The following CYP4F22 variants were observed in gnomAD, a reference collection of about 807,000 sequenced individuals.
The protein encoded by CYP4F22 is ultra-long-chain fatty acid omega-hydroxylase.
Under a neutral mutation model 60.4 loss-of-function variants are expected in CYP4F22, and 37 were observed. That is an observed-to-expected ratio of 0.61 (90% CI 0.47 to 0.81). CYP4F22 has a LOEUF of 0.81. CYP4F22 is among the 30% of genes least tolerant of loss of function. The pLI is 0.00. For missense variants in CYP4F22, 655 were observed against 715.0 expected, an observed-to-expected ratio of 0.92 and a Z score of 0.96; for synonymous variants, 258 against 280.5, an observed-to-expected ratio of 0.92 and a Z score of 0.80.
At chr19:15,538,431 A>G (rs1971424289) in intron 7 of CYP4F22, among the ~76,000 whole-genome samples, 3 of 152,216 alleles carry the variant, frequency 2.0e-5, no homozygotes, top group South Asian at 2.1e-4. Context: ...GCCCTGGCAC[A>G]TAGTTGATGC....
chr19:15,515,802 C>T (rs1039417975), intron 1 of CYP4F22, among the ~76,000 whole-genome samples: 3 of 151,952 alleles, frequency 2.0e-5, no homozygotes, highest in Non-Finnish European at 4.4e-5. Context: ...CGGCTCACTG[C>T]AAGCTCTGCC....
intron 1 of CYP4F22, among the ~76,000 whole-genome samples, chr19:15,512,649 C>T (rs1170498393): frequency 6.6e-6 from 1 of 151,990 alleles, no homozygotes; most frequent in Non-Finnish European, 1.5e-5. Context: ...CACTATGTTG[C>T]ACAGGCTGGT....
chr19:15,529,054 C>T (rs1971312642), intron 3 of CYP4F22, among the ~76,000 whole-genome samples: 1 of 152,148 alleles, frequency 6.6e-6, no homozygotes, highest in East Asian at 1.9e-4. Flanking sequence ...GGTGGTCCTC[C>T]TGCCTCAGCC....
chr19:15,547,822 T>TA (rs1032820788), intron 10 of CYP4F22, among the ~76,000 whole-genome samples: 373 of 138,852 alleles, frequency 2.7e-3, no homozygotes, highest in African/African-American at 8.6e-3. Flanking sequence ...AACTCGGTCT[T>TA]AAAAAAAAAA....
In CYP4F22 at chr19:15,508,992, C is replaced by T. The variant is rs76719700; in HGVS notation, c.-109+409C>T. On this transcript the variant is annotated intron_variant, in intron 1 of 13. Coordinates refer to ENST00000269703, the MANE Select transcript of CYP4F22 (RefSeq NM_173483.4). The stretch of plus-strand genomic sequence containing the variant: ...CTCTTTGGGGCTGAATGGGGATTCG[C>T]CCTGAGATTTCACCACTGCACGTTG... Among the ~76,000 whole-genome samples the T allele has an allele frequency of 9.8e-4, 149 of 152,154 alleles. 2 individuals are homozygous for T. The East Asian group carries it at 0.026, about 26-fold the overall frequency.
At position 15,540,450 on chromosome 19, in the gene CYP4F22, G is replaced by C. The variant is rs752196556; in HGVS notation, c.672G>C (p.Glu224Asp). 1 of 1,614,070 alleles carries C rather than the reference G, an allele frequency of 6.2e-7. No individual in the cohort carries two copies. The highest frequency in any genetic ancestry group is 8.5e-7 in the Non-Finnish European group (1 of 1,180,042). Residue 224 changes from glutamate (E) to aspartate (D), a missense_variant and splice_region_variant, in exon 8 of 14, where the codon GAG becomes GAC. This residue lies in a region of CYP4F22 where 430 missense variants were observed against 457.1 expected (regional missense o/e 0.94). Coordinates refer to ENST00000269703, the MANE Select transcript of CYP4F22 (RefSeq NM_173483.4). ...TCATGGATCCCCTTCTCCTTGGCAGGAAGATGAGTGATTATATCTCCGCTA... is the reference window on the plus strand; with the variant it reads ...TCATGGATCCCCTTCTCCTTGGCAGCAAGATGAGTGATTATATCTCCGCTA... ...CVFSYNSNCQEKMSDYISAII... is the reference protein window; with the variant it reads ...CVFSYNSNCQDKMSDYISAII...
rs1971584840 is a variant in CYP4F22 at position 15,550,712 on chromosome 19, G to A, written c.1374G>A (p.Gln458=). 1 of 1,614,222 alleles carries A rather than the reference G, an allele frequency of 6.2e-7. No individual in the cohort carries two copies. The highest frequency in any genetic ancestry group is 1.1e-5 in the South Asian group (1 of 91,092). The change falls in exon 13 of 14, where the codon CAG becomes CAA. Residue 458 remains glutamine (Q), a synonymous_variant. Coordinates refer to ENST00000269703, the MANE Select transcript of CYP4F22 (RefSeq NM_173483.4). The part of the protein sequence containing the change: ...NPYRFDPDNP[Q]QRSPLAYVPF... Reference sequence around the variant, plus strand: ...ACCGCTTTGACCCGGACAACCCACAGCAGCGCTCTCCACTGGCCTATGTGC... The same window carrying A: ...ACCGCTTTGACCCGGACAACCCACAACAGCGCTCTCCACTGGCCTATGTGC...
At position 15,550,034 on chromosome 19, in the gene CYP4F22, T is replaced by A. The variant is rs146415736; in HGVS notation, c.1336-640T>A. The stretch of plus-strand genomic sequence containing the variant: ...ACTTCTACCTCCTGGGTTCAAGAGA[T>A]TCTCCTGCCTCAGCTTTCTGAGTAG... On this transcript the variant is annotated intron_variant, in intron 12 of 13. Transcript: ENST00000269703. 3.6e-3 allele frequency among the ~76,000 whole-genome samples: 551 copies of A among 152,276 alleles called. 3 individuals are homozygous for A. The highest frequency in any genetic ancestry group is 0.013 in the African/African-American group (528 of 41,554).
chr19:15,527,494 C>T (rs563557057), intron 3 of CYP4F22, among the ~76,000 whole-genome samples: 43 of 152,332 alleles, frequency 2.8e-4, no homozygotes, highest in African/African-American at 8.2e-4. Context: ...CTCCAGTGCC[C>T]TTACTCTAGA....
In CYP4F22 at chr19:15,551,905, C is replaced by A. The variant is rs1971604591; in HGVS notation, c.*434C>A. The A allele has an allele frequency of 1.1e-5, 2 of 176,860 alleles. No homozygotes were observed. Among genetic ancestry groups the A allele is most frequent in the African/African-American group, 2.5e-5 (1 of 40,016 alleles). The allele number at this position is 176,860 out of a possible 1,614,324, so 11.0% of individuals were successfully genotyped here. ...CCCACCACACCCCACCCCCCCCCAA[C>A]TGGCTGAACCCCTGGCAGGCTTCCA... On this transcript the variant is annotated 3_prime_UTR_variant, in exon 14 of 14. Coordinates refer to ENST00000269703, the MANE Select transcript of CYP4F22 (RefSeq NM_173483.4).
At chr19:15,509,301 G>A (rs566630323) in intron 1 of CYP4F22, among the ~76,000 whole-genome samples, 2 of 152,230 alleles carry the variant, frequency 1.3e-5, no homozygotes, top group East Asian at 1.9e-4. Context: ...CTGGGGAGTC[G>A]CAGGCTGGAG....
chr19:15,533,574 T>C (rs1277764532), intron 4 of CYP4F22, among the ~76,000 whole-genome samples: 5 of 150,522 alleles, frequency 3.3e-5, no homozygotes, highest in East Asian at 1.9e-4. Context: ...CACGTTGTAG[T>C]AGGAATCAGT....
In CYP4F22 at chr19:15,509,922, CTTCT is replaced by C. The variant is rs1177793281; in HGVS notation, c.-109+1362_-109+1365del. On this transcript the variant is annotated intron_variant, in intron 1 of 13. Coordinates refer to ENST00000269703, the MANE Select transcript of CYP4F22 (RefSeq NM_173483.4). ...CTTCCTTCCTTTCTTTCTTTCCTTC[CTTCT>C]TTCTTTCTTTCTTTCTTTCTTTTCT... 7.6e-3 allele frequency among the ~76,000 whole-genome samples: 882 copies of C among 115,468 alleles called. 9 individuals are homozygous for C. The highest frequency in any genetic ancestry group is 0.02 in the South Asian group (60 of 2,944). The allele number at this position is 115,468 out of a possible 152,430, so 75.8% of individuals were successfully genotyped here.
At chr19:15,513,311 G>A (rs1837540462) in intron 1 of CYP4F22, among the ~76,000 whole-genome samples, 1 of 150,240 alleles carries the variant, frequency 6.7e-6, no homozygotes, top group Non-Finnish European at 1.5e-5. Flanking sequence ...GAGTAGCTGG[G>A]ACTACAGGCG....
rs551199214 is a variant in CYP4F22 at position 15,524,982 on chromosome 19, G to C, written c.-1-354G>C. On this transcript the variant is annotated intron_variant, in intron 2 of 13. Transcript: ENST00000269703. ...GGGTCATTGCACCCAAGGGGTGAGG[G>C]AGCTGGGGTATTTATCCACCAATGA... Among the ~76,000 whole-genome samples the C allele has an allele frequency of 2.6e-5, 4 of 152,266 alleles. No individual in the cohort carries two copies. The East Asian group carries it at 7.7e-4, about 29-fold the overall frequency.
intron 4 of CYP4F22, among the ~76,000 whole-genome samples, chr19:15,531,399 A>AAAT (rs59476392): frequency 1.3e-5 from 2 of 148,872 alleles, no homozygotes; most frequent in Non-Finnish European, 3.0e-5. Flanking sequence ...AAAAAAAAAA[A>AAAT]GTGGGAGATT....
At chr19:15,538,078 G>A in intron 7 of CYP4F22, 85 bp downstream of exon 7, 1 of 1,587,822 alleles carries the variant, frequency 6.3e-7, no homozygotes, top group South Asian at 1.1e-5. Context: ...CCAGGCATTA[G>A]ACAACTCTGG....
At chr19:15,534,011 T>A (rs538302628) in intron 4 of CYP4F22, among the ~76,000 whole-genome samples, 30 of 152,206 alleles carry the variant, frequency 2.0e-4, no homozygotes, top group Non-Finnish European at 3.1e-4. Flanking sequence ...ACTTAACTTT[T>A]TAAGGAGCCA....
chr19:15,546,490 G>A (rs965047575), intron 10 of CYP4F22, among the ~76,000 whole-genome samples: 3 of 152,214 alleles, frequency 2.0e-5, no homozygotes, highest in South Asian at 4.2e-4. Context: ...AAGCTGAGGC[G>A]TGAGAATTGC....
Sources: allele counts gnomAD v4.1 joint callset (sites outside exome capture counted in the v4.1 genomes callset), GRCh38; gene constraint gnomAD v4.1.1; regional missense constraint gnomAD v4.1.1; transcripts MANE v1.5; gene names NCBI Gene and HGNC (gene_info 2026-07-23, HGNC 2026-07-21).